Variants in MAPK10 observed in about 807,000 individuals in gnomAD.
MAPK10 encodes the protein JNK3 alpha protein kinase.
MAPK10 carries 25 observed loss-of-function variants against 59.3 expected under a neutral mutation model. That is an observed-to-expected ratio of 0.42 (90% CI 0.31 to 0.59). The LOEUF is 0.59. Ranked by LOEUF, MAPK10 falls within the 20% of genes least tolerant of loss-of-function variation. The pLI is 0.15. For missense variants in MAPK10, 351 were observed against 568.9 expected (o/e 0.62, Z 3.90); for synonymous variants, 190 against 200.5 (o/e 0.95, Z 0.44).
intron 9 of MAPK10, among the ~76,000 whole-genome samples, chr4:86,087,988 C>A (rs975719061): frequency 1.3e-5 from 2 of 151,970 alleles, no homozygotes; most frequent in African/African-American, 4.8e-5. Flanking sequence ...ATTATAGGCT[C>A]AATTTTATTT....
chr4:86,486,202 T>C (rs1391110932), intron 1 of MAPK10, among the ~76,000 whole-genome samples: 2 of 152,108 alleles, frequency 1.3e-5, no homozygotes, highest in Non-Finnish European at 2.9e-5. Flanking sequence ...GGCAGGAGGA[T>C]CACTTGAAGC....
chr4:86,245,749 G>A (rs1188203553), intron 2 of MAPK10, among the ~76,000 whole-genome samples: 1 of 152,128 alleles, frequency 6.6e-6, no homozygotes, highest in African/African-American at 2.4e-5. Context: ...TTTGATTGAA[G>A]TTTAAAATGC....
Position 86,204,537 on chromosome 4 carries a change from T to C in MAPK10, c.-6-10130A>G, listed in dbSNP as rs141780606. Among the ~76,000 whole-genome samples, 679 of 152,044 alleles carry C rather than the reference T, an allele frequency of 4.5e-3. 4 individuals are homozygous for C. The highest frequency in any genetic ancestry group is 8.2e-3 in the Non-Finnish European group (560 of 67,930). ...TCCCAATACTATAATGATCCAGTAA[T>C]ATGGGAAGCATAGACATAGACAGCA... On this transcript the variant is annotated intron_variant, in intron 2 of 13. Transcript: ENST00000641462.
chr4:86,527,251 G>A lies in MAPK10; in HGVS notation c.-263+66659C>T, dbSNP rs187074513. 8.4e-5 allele frequency among the ~76,000 whole-genome samples: 12 copies of A among 142,458 alleles called. 1 individual carries two copies. The highest frequency in any genetic ancestry group is 3.0e-4 in the Admixed American group (4 of 13,330). The allele number at this position is 142,458 out of a possible 152,430, so 93.5% of individuals were successfully genotyped here. ...CACTTGAGCCTGGGAGGTCGAGGCCGCAGGGAGCTGTAATCGTCCCACTGT... is the reference window on the plus strand; with the variant it reads ...CACTTGAGCCTGGGAGGTCGAGGCCACAGGGAGCTGTAATCGTCCCACTGT... On this transcript the variant is annotated intron_variant, in intron 1 of 4. Transcript: ENST00000502302.
chr4:86,363,955 T>C (rs1329102098), upstream of MAPK10, among the ~76,000 whole-genome samples: 1 of 152,054 alleles, frequency 6.6e-6, no homozygotes, highest in Non-Finnish European at 1.5e-5. Context: ...GCTAATTTTT[T>C]ATTTTTAGCA....
chr4:86,170,166 A>C (rs924716767), intron 3 of MAPK10, among the ~76,000 whole-genome samples: 70 of 152,222 alleles, frequency 4.6e-4, no homozygotes, highest in Non-Finnish European at 7.9e-4. Flanking sequence ...CGAGCAAAAT[A>C]ACCAGCTAAC....
intron 1 of MAPK10, among the ~76,000 whole-genome samples, chr4:86,464,025 A>G (rs927593516): frequency 6.6e-5 from 10 of 152,180 alleles, no homozygotes; most frequent in African/African-American, 2.4e-4. Flanking sequence ...AACCGTGACT[A>G]TGATAGGAAA....
intron 3 of MAPK10, among the ~76,000 whole-genome samples, chr4:86,171,588 A>T (rs1315190284): frequency 6.6e-6 from 1 of 152,242 alleles, no homozygotes; most frequent in East Asian, 1.9e-4. Flanking sequence ...AAGATGGATT[A>T]AAGACTTAAA....
rs898713988 is a variant in MAPK10 at position 86,523,324 on chromosome 4, G to A, written c.-263+70586C>T. ...CCATACACATATCCTCCTACTATAA[G>A]TCTTTAATAGAGCTATCCAAGAATA... On this transcript the variant is annotated intron_variant, in intron 1 of 4. Transcript: ENST00000502302. 2.6e-5 allele frequency among the ~76,000 whole-genome samples: 4 copies of A among 152,102 alleles called. No homozygotes were observed. The South Asian group carries it at 8.3e-4, about 31-fold the overall frequency.
chr4:86,462,937 A>C (rs538632258), intron 1 of MAPK10, among the ~76,000 whole-genome samples: 1 of 152,328 alleles, frequency 6.6e-6, no homozygotes, highest in African/African-American at 2.4e-5. Context: ...AGCCATTGTT[A>C]AGCCTCCAGA....
In MAPK10 at chr4:86,270,398, C is replaced by A. The variant is rs190889811; in HGVS notation, c.-6-75991G>T. ...GTGCTATTTTTTTTAATTTCCTTCC[C>A]AAGTACAAAACAAAGAGAAAAAATG... On this transcript the variant is annotated intron_variant, in intron 2 of 13. Coordinates refer to ENST00000641462, the MANE Select transcript of MAPK10 (RefSeq NM_138982.4). Among the ~76,000 whole-genome samples the A allele has an allele frequency of 2.7e-4, 41 of 151,538 alleles. No individual in the cohort carries two copies. The East Asian group carries it at 5.8e-3, about 22-fold the overall frequency.
chr4:86,124,729 G>C (rs894355189), intron 4 of MAPK10: 1 of 151,982 alleles, frequency 6.6e-6, no homozygotes, highest in Non-Finnish European at 1.5e-5. Context: ...ATCTTAATTT[G>C]TGAGAACAGT....
At chr4:86,074,670 T>C (rs1230549266) in intron 9 of MAPK10, among the ~76,000 whole-genome samples, 1 of 145,526 alleles carries the variant, frequency 6.9e-6, no homozygotes, top group Non-Finnish European at 1.5e-5. Flanking sequence ...TTTGGCCTGA[T>C]ATGAAATTCT....
At chr4:86,500,402 G>A (rs1755217262) in intron 1 of MAPK10, among the ~76,000 whole-genome samples, 1 of 152,086 alleles carries the variant, frequency 6.6e-6, no homozygotes, top group Non-Finnish European at 1.5e-5. Context: ...AAAAAGATAA[G>A]TTTGCGTACT....
intron 1 of MAPK10, among the ~76,000 whole-genome samples, chr4:86,587,717 A>G (rs2149115572): frequency 6.6e-6 from 1 of 152,380 alleles, no homozygotes; most frequent in East Asian, 1.9e-4. Flanking sequence ...CTGGGAAAAC[A>G]TTGCTATTTA....
At chr4:86,569,163 A>C (rs1761275874) in intron 1 of MAPK10, among the ~76,000 whole-genome samples, 1 of 152,126 alleles carries the variant, frequency 6.6e-6, no homozygotes, top group African/African-American at 2.4e-5. Flanking sequence ...CTTATCAAAA[A>C]AAGACATACA....
rs1346949555 is a variant in MAPK10, at chr4:86,036,496, T to C, written c.1111-5065A>G. On this transcript the variant is annotated intron_variant, in intron 11 of 13. Transcript: ENST00000641462. ...ACTTTTTTTCTGAGAAACCACCATA[T>C]GTTAAGCTGTCTTTATATAGACCTT... Among the ~76,000 whole-genome samples, 5 of 151,990 alleles carry C rather than the reference T, an allele frequency of 3.3e-5. No homozygotes were observed. In the East Asian group the frequency reaches 5.8e-4, roughly 18 times the overall value.
chr4:86,392,441 A>G (rs77982532), intron 1 of MAPK10: 3 of 44,572 alleles, frequency 6.7e-5, no homozygotes, highest in Non-Finnish European at 2.0e-4. Flanking sequence ...AACTGTCTCA[A>G]AAAAAAAAAA....
intron 1 of MAPK10, among the ~76,000 whole-genome samples, chr4:86,519,543 C>G (rs1425335360): frequency 6.6e-6 from 1 of 152,122 alleles, no homozygotes; most frequent in Non-Finnish European, 1.5e-5. Context: ...TTGAAGACAG[C>G]AGATATTTGG....
Sources: gnomAD v4.1 joint callset for allele counts (sites outside exome capture counted in the v4.1 genomes callset) on GRCh38, gnomAD v4.1.1 for gene constraint, MANE v1.5 for transcripts, NCBI Gene and HGNC (gene_info 2026-07-23, HGNC 2026-07-21) for gene names.